The following PRIM2 variants were observed in gnomAD, a reference collection of about 807,000 sequenced individuals.
The protein encoded by PRIM2 is DNA primase subunit 2.
Under a neutral mutation model 67.3 loss-of-function variants are expected in PRIM2, and 39 were observed. The ratio of observed to expected loss-of-function variants is 0.58; its 90% CI spans 0.45 to 0.76. PRIM2 has a LOEUF of 0.76. PRIM2 is among the 30% of genes least tolerant of loss of function. The pLI, the probability that PRIM2 is intolerant of heterozygous loss-of-function variation, is 0.00. For missense variants in PRIM2, 398 were observed against 598.7 expected (o/e 0.66, Z 3.50); for synonymous variants, 143 against 198.7 (o/e 0.72, Z 2.36).
intron 5 of PRIM2, among the ~76,000 whole-genome samples, chr6:57,359,919 T>A (rs917491316): frequency 3.3e-4 from 51 of 152,344 alleles, no homozygotes; most frequent in Non-Finnish European, 1.5e-4. Context: ...CTTTTTCATT[T>A]TGAAGAAGAG....
chr6:57,512,829 TCAGGTGTTC>T (rs1324842820), intron 8 of PRIM2, among the ~76,000 whole-genome samples: 2 of 152,280 alleles, frequency 1.3e-5, no homozygotes, highest in African/African-American at 4.8e-5. Context: ...ACTCCAGACC[TCAGGTGTTC>T]TGCCTGCCTC....
the PRIM2 span, among the ~76,000 whole-genome samples, chr6:57,268,491 T>C: frequency 7.9e-5 from 12 of 152,096 alleles, no homozygotes; most frequent in Non-Finnish European, 1.2e-4. Flanking sequence ...AAGGTTAACA[T>C]TCTTGGTAGA....
At position 57,537,155 on chromosome 6, in the gene PRIM2, G is replaced by T. The variant is rs1304812116; in HGVS notation, c.835-285G>T. On this transcript the variant is annotated intron_variant, in intron 9 of 13. Transcript: ENST00000615550. ...ATGGGAGTCTGTAGTTAACTTCAAA[G>T]AAAAAGTTTAATTAAATTAAAAAAA... is the stretch of plus-strand genomic sequence containing the variant. 5.7e-4 allele frequency among the ~76,000 whole-genome samples: 86 copies of T among 151,950 alleles called. 1 individual carries two copies. The highest frequency in any genetic ancestry group is 1.9e-3 in the African/African-American group (77 of 41,414).
the PRIM2 span, among the ~76,000 whole-genome samples, chr6:57,263,189 C>T: frequency 6.6e-6 from 1 of 152,176 alleles, no homozygotes; most frequent in East Asian, 1.9e-4. Context: ...TACCAGAAAC[C>T]TGGCCCTAAT....
At chr6:57,642,433 A>AC (rs1444848326) in intron 13 of PRIM2, among the ~76,000 whole-genome samples, 4 of 107,060 alleles carry the variant, frequency 3.7e-5, no homozygotes, top group Non-Finnish European at 7.4e-5. Flanking sequence ...TAAATATTAT[A>AC]TCTTTTTTTT....
chr6:57,230,370 TC>T, the PRIM2 span, among the ~76,000 whole-genome samples: 2 of 152,208 alleles, frequency 1.3e-5, no homozygotes, highest in African/African-American at 2.4e-5. Context: ...TCTGTTTTGG[TC>T]CTCAGGTGGG....
the PRIM2 span, among the ~76,000 whole-genome samples, chr6:57,252,467 G>A: frequency 2.0e-5 from 3 of 152,032 alleles, no homozygotes; most frequent in East Asian, 5.8e-4. Context: ...TTGAGACGCA[G>A]TCTCGCTTTG....
chr6:57,306,553 A>G, the PRIM2 span, among the ~76,000 whole-genome samples: 1 of 152,210 alleles, frequency 6.6e-6, no homozygotes, highest in Non-Finnish European at 1.5e-5. Flanking sequence ...CTGTATTGTC[A>G]GGGTTCGCTC....
the PRIM2 span, among the ~76,000 whole-genome samples, chr6:57,241,905 C>T: frequency 3.2e-4 from 48 of 152,134 alleles, 1 homozygote; most frequent in East Asian, 9.3e-3. Context: ...ATCTCCTGAC[C>T]TCGTGATCTG....
intron 7 of PRIM2, among the ~76,000 whole-genome samples, chr6:57,439,599 G>A (rs1243300255): frequency 3.3e-5 from 5 of 151,624 alleles, no homozygotes; most frequent in African/African-American, 1.2e-4. Context: ...TATTTTAGTA[G>A]AGATGGGGTT....
the PRIM2 span, among the ~76,000 whole-genome samples, chr6:57,255,041 G>A: frequency 1.3e-5 from 2 of 151,990 alleles, no homozygotes; most frequent in Non-Finnish European, 2.9e-5. Context: ...TTCCCAGTTC[G>A]TCTGCCTCTC....
At chr6:57,449,786 G>A (rs1581915297) in intron 7 of PRIM2, among the ~76,000 whole-genome samples, 1 of 152,034 alleles carries the variant, frequency 6.6e-6, no homozygotes, top group Non-Finnish European at 1.5e-5. Flanking sequence ...TGTTAATTTA[G>A]GGTAATGAAA....
chr6:57,443,846 A>G (rs976120670), intron 7 of PRIM2, among the ~76,000 whole-genome samples: 3 of 152,208 alleles, frequency 2.0e-5, no homozygotes, highest in Admixed American at 6.5e-5. Flanking sequence ...GCCTAGATCA[A>G]TGTCATGTAG....
intron 10 of PRIM2, among the ~76,000 whole-genome samples, chr6:57,595,499 C>T (rs1485796095): frequency 6.6e-6 from 1 of 152,116 alleles, no homozygotes; most frequent in Admixed American, 6.5e-5. Context: ...CTCAGTCTCA[C>T]AAGACTGTGC....
chr6:57,346,798 A>G (rs949669855), intron 5 of PRIM2, among the ~76,000 whole-genome samples: 3 of 152,102 alleles, frequency 2.0e-5, no homozygotes, highest in African/African-American at 7.2e-5. Flanking sequence ...TGGAGGGCAA[A>G]TGGAGTTGTA....
chr6:57,306,797 C>T, the PRIM2 span, among the ~76,000 whole-genome samples: 682 of 152,300 alleles, frequency 4.5e-3, 8 homozygotes, highest in African/African-American at 0.016. Context: ...GATCATTTCC[C>T]ACTGACAGTA....
intron 5 of PRIM2, among the ~76,000 whole-genome samples, chr6:57,329,173 T>C (rs925177091): frequency 2.6e-5 from 4 of 152,158 alleles, no homozygotes; most frequent in African/African-American, 9.7e-5. Context: ...TTTTTTCTTG[T>C]CACTTGTGCT....
chr6:57,320,028 C>G (rs1767597821), intron 2 of PRIM2, among the ~76,000 whole-genome samples: 1 of 152,202 alleles, frequency 6.6e-6, no homozygotes, highest in South Asian at 2.1e-4. Flanking sequence ...CTGTTGTGCT[C>G]TGTCCTCGGC....
rs923381110 is a variant in PRIM2, at chr6:57,318,438, T to G, written c.-8T>G. On this transcript the variant is annotated splice_region_variant and 5_prime_UTR_variant, in exon 2 of 14. Transcript: ENST00000615550. ...GCTTTTTGTGTACTTCCTTCTAAGG[T>G]GACCAAGATGGAGTTTTCTGGAAGA... The G allele has an allele frequency of 3.1e-6, 5 of 1,610,294 alleles. No individual in the cohort carries two copies. The African/African-American group carries it at 6.7e-5, about 22-fold the overall frequency.
Sources: gnomAD v4.1 joint callset for allele counts (sites outside exome capture counted in the v4.1 genomes callset) on GRCh38, gnomAD v4.1.1 for gene constraint, MANE v1.5 for transcripts, NCBI Gene and HGNC (gene_info 2026-07-23, HGNC 2026-07-21) for gene names.